PIP4K2A: variants seen among roughly 807,000 people sequenced by gnomAD.
PIP4K2A encodes the protein phosphatidylinositol 5-phosphate 4-kinase type-2 alpha.
In PIP4K2A, 14 loss-of-function variants were observed where a neutral mutation model predicts 42.9. The ratio of observed to expected loss-of-function variants is 0.33; its 90% confidence interval spans 0.22 to 0.51. The LOEUF is 0.51. PIP4K2A is among the 20% of genes least tolerant of loss of function. The probability of loss-of-function intolerance (pLI) is 0.97; values close to 1 mark genes in which losing one functional copy is unlikely to be tolerated. For missense variants in PIP4K2A, 434 were observed against 519.8 expected (o/e 0.83, Z 1.61); for synonymous variants, 192 against 192.2 (o/e 1.00, Z 0.01).
intron 1 of PIP4K2A, among the ~76,000 whole-genome samples, chr10:22,657,796 C>G (rs1839130575): frequency 1.3e-5 from 2 of 152,134 alleles, no homozygotes; most frequent in South Asian, 4.1e-4. Context: ...CCCATTTTGC[C>G]CAGGCATGGA....
intron 1 of PIP4K2A, among the ~76,000 whole-genome samples, chr10:22,619,556 C>T (rs1325771911): frequency 6.6e-6 from 1 of 151,654 alleles, no homozygotes; most frequent in Non-Finnish European, 1.5e-5. Flanking sequence ...CCTGTCTCAG[C>T]CTCCCGAGTA....
chr10:22,612,735 G>C (rs1455686741), intron 1 of PIP4K2A, among the ~76,000 whole-genome samples: 2 of 152,078 alleles, frequency 1.3e-5, no homozygotes, highest in African/African-American at 4.8e-5. Context: ...GAAGCTGGTG[G>C]GTCCAACGAC....
At chr10:22,589,120 G>C (rs1837457504) in intron 4 of PIP4K2A, among the ~76,000 whole-genome samples, 1 of 152,192 alleles carries the variant, frequency 6.6e-6, no homozygotes, top group African/African-American at 2.4e-5. Context: ...CTTCAATTCT[G>C]TGTCACATTT....
intron 1 of PIP4K2A, among the ~76,000 whole-genome samples, chr10:22,624,854 T>C (rs1838403535): frequency 6.6e-6 from 1 of 152,216 alleles, no homozygotes; most frequent in Admixed American, 6.5e-5. Context: ...CCAAAAACAA[T>C]GAAACTGTGT....
At chr10:22,654,819 C>T (rs1311626811) in intron 1 of PIP4K2A, among the ~76,000 whole-genome samples, 1 of 152,208 alleles carries the variant, frequency 6.6e-6, no homozygotes, top group East Asian at 1.9e-4. Context: ...GAGATGTGTG[C>T]GACTGCTTTG....
intron 6 of PIP4K2A, among the ~76,000 whole-genome samples, chr10:22,551,646 A>G (rs1323514348): frequency 6.6e-6 from 1 of 152,046 alleles, no homozygotes; most frequent in Non-Finnish European, 1.5e-5. Flanking sequence ...ATAATCTCCC[A>G]CCCCTTTCGG....
At chr10:22,581,318 T>C (rs1481360030) in intron 4 of PIP4K2A, among the ~76,000 whole-genome samples, 1 of 152,228 alleles carries the variant, frequency 6.6e-6, no homozygotes, top group Non-Finnish European at 1.5e-5. Flanking sequence ...GAATAGGTGC[T>C]GAAAATCTAC....
chr10:22,685,838 A>G (rs1048031858), intron 1 of PIP4K2A, among the ~76,000 whole-genome samples: 1 of 152,236 alleles, frequency 6.6e-6, no homozygotes, highest in South Asian at 2.1e-4. Context: ...ATGGCAGGCC[A>G]TGAGGTCAGC....
intron 1 of PIP4K2A, among the ~76,000 whole-genome samples, chr10:22,681,100 C>T (rs563351800): frequency 6.6e-6 from 1 of 152,314 alleles, no homozygotes; most frequent in African/African-American, 2.4e-5. Context: ...TAGAAATGTA[C>T]TGCCCCAGAT....
intron 1 of PIP4K2A, among the ~76,000 whole-genome samples, chr10:22,673,556 C>G (rs1029030044): frequency 6.6e-6 from 1 of 152,052 alleles, no homozygotes. Flanking sequence ...ACAATTTAAA[C>G]ATACACCACA....
chr10:22,648,084 G>C (rs1457742842), intron 1 of PIP4K2A, among the ~76,000 whole-genome samples: 2 of 152,086 alleles, frequency 1.3e-5, no homozygotes, highest in Admixed American at 6.5e-5. Context: ...AGCCTTCCTG[G>C]AATATTCAAG....
intron 9 of PIP4K2A, among the ~76,000 whole-genome samples, chr10:22,539,240 A>G (rs1428128730): frequency 1.3e-5 from 2 of 152,202 alleles, no homozygotes; most frequent in African/African-American, 4.8e-5. Context: ...ACTTGCTACT[A>G]TGAGGCCCTG....
chr10:22,612,141 C>T (rs940698837), intron 1 of PIP4K2A, among the ~76,000 whole-genome samples: 2 of 152,192 alleles, frequency 1.3e-5, no homozygotes, highest in Non-Finnish European at 2.9e-5. Flanking sequence ...ATTGATTTTC[C>T]TTCCCCACCC....
chr10:22,670,327 C>T (rs984284558), intron 1 of PIP4K2A, among the ~76,000 whole-genome samples: 17 of 151,964 alleles, frequency 1.1e-4, no homozygotes, highest in Admixed American at 5.2e-4. Flanking sequence ...TGCAGTGAGC[C>T]GTTATGGCAC....
intron 1 of PIP4K2A, among the ~76,000 whole-genome samples, chr10:22,651,107 A>G (rs747564636): frequency 5.5e-4 from 83 of 152,284 alleles, no homozygotes; most frequent in Non-Finnish European, 1.0e-3. Flanking sequence ...CACAAAGTTA[A>G]TTATGCCAGA....
chr10:22,623,620 C>T (rs1345256700), intron 1 of PIP4K2A, among the ~76,000 whole-genome samples: 1 of 152,126 alleles, frequency 6.6e-6, no homozygotes, highest in African/African-American at 2.4e-5. Context: ...TGGCAGGGGA[C>T]GTCCGTGCAC....
chr10:22,571,403 C>T (rs1295581125), intron 5 of PIP4K2A, among the ~76,000 whole-genome samples: 3 of 152,190 alleles, frequency 2.0e-5, no homozygotes, highest in East Asian at 1.9e-4. Context: ...TTATATCCAC[C>T]ATCCTGGGCC....
chr10:22,630,976 C>T (rs1244953020), intron 1 of PIP4K2A, among the ~76,000 whole-genome samples: 1 of 152,082 alleles, frequency 6.6e-6, no homozygotes, highest in African/African-American at 2.4e-5. Flanking sequence ...GCAACAGGGA[C>T]AAGAGAGTAG....
At chr10:22,577,394 C>T (rs144210012) in intron 4 of PIP4K2A, among the ~76,000 whole-genome samples, 2 of 152,096 alleles carry the variant, frequency 1.3e-5, no homozygotes, top group African/African-American at 2.4e-5. Context: ...GGGGTGGGTC[C>T]CTCATAAATG....
Sources: allele counts gnomAD v4.1 joint callset (sites outside exome capture counted in the v4.1 genomes callset), GRCh38; gene constraint gnomAD v4.1.1; transcripts MANE v1.5; gene names NCBI Gene and HGNC (gene_info 2026-07-23, HGNC 2026-07-21).